Variants in GFRA1 observed in about 807,000 individuals in gnomAD.
The protein encoded by GFRA1 is GDNF family receptor alpha-1.
Under a neutral mutation model 51.6 loss-of-function variants are expected in GFRA1, and 16 were observed. That is an observed-to-expected ratio of 0.31 (90% CI 0.21 to 0.47). The LOEUF is 0.47. Ranked by LOEUF, GFRA1 falls within the 20% of genes least tolerant of loss-of-function variation. The pLI, the probability that GFRA1 is intolerant of heterozygous loss-of-function variation, is 1.00. For synonymous variants in GFRA1, 270 were observed against 241.3 expected, an observed-to-expected ratio of 1.12 and a Z score of -1.10; for missense variants, 530 against 594.3, an observed-to-expected ratio of 0.89 and a Z score of 1.13.
At chr10:116,126,604 G>A (rs1007270083) in intron 5 of GFRA1, among the ~76,000 whole-genome samples, 1 of 152,246 alleles carries the variant, frequency 6.6e-6, no homozygotes, top group African/African-American at 2.4e-5. Flanking sequence ...GGTCCATGGA[G>A]TAGTGATGAT....
At chr10:116,245,869 G>A (rs1231771423) in intron 4 of GFRA1, among the ~76,000 whole-genome samples, 2 of 152,116 alleles carry the variant, frequency 1.3e-5, no homozygotes, top group Non-Finnish European at 2.9e-5. Context: ...TCACATTCTG[G>A]AAAAAGAAAA....
At chr10:116,193,994 G>A (rs141549546) in intron 5 of GFRA1, among the ~76,000 whole-genome samples, 4,120 of 148,218 alleles carry the variant, frequency 0.028, 91 homozygotes, top group Middle Eastern at 0.05. Context: ...AGCCGAGATC[G>A]CACCACTGTA....
intron 8 of GFRA1, among the ~76,000 whole-genome samples, chr10:116,090,387 G>A (rs1421186395): frequency 2.7e-5 from 4 of 145,508 alleles, no homozygotes; most frequent in African/African-American, 1.0e-4. Flanking sequence ...AGGCAATTCC[G>A]TGGCATTCAC....
intron 5 of GFRA1, among the ~76,000 whole-genome samples, chr10:116,136,116 G>A (rs1431291539): frequency 6.6e-6 from 1 of 152,114 alleles, no homozygotes; most frequent in Non-Finnish European, 1.5e-5. Context: ...TCTCAGATTT[G>A]TGGTCCTTCT....
chr10:116,172,228 G>A (rs146051148), intron 5 of GFRA1, among the ~76,000 whole-genome samples: 7 of 152,180 alleles, frequency 4.6e-5, no homozygotes, highest in Admixed American at 2.0e-4. Flanking sequence ...CTGCTGTGCC[G>A]TTTGCTCACG....
At chr10:116,068,534 G>A (rs1439607362) in intron 9 of GFRA1, among the ~76,000 whole-genome samples, 1 of 152,210 alleles carries the variant, frequency 6.6e-6, no homozygotes, top group African/African-American at 2.4e-5. Context: ...GCATGCTGCA[G>A]AGAGAGGGTC....
At chr10:116,088,259 C>T (rs975896513) in intron 9 of GFRA1, among the ~76,000 whole-genome samples, 1 of 150,282 alleles carries the variant, frequency 6.7e-6, no homozygotes, top group South Asian at 2.1e-4. Context: ...TGAAAGAAGG[C>T]ATCTTGTGAG....
At chr10:116,198,855 T>C (rs953244898) in intron 5 of GFRA1, among the ~76,000 whole-genome samples, 6 of 152,176 alleles carry the variant, frequency 3.9e-5, no homozygotes, top group African/African-American at 7.2e-5. Flanking sequence ...TATTTGGAAA[T>C]AGGGTTTTTG....
At chr10:116,258,395 AAAT>A (rs1159210513) in intron 4 of GFRA1, among the ~76,000 whole-genome samples, 1 of 87,248 alleles carries the variant, frequency 1.1e-5, no homozygotes, top group Non-Finnish European at 2.2e-5. Flanking sequence ...TTAATTAATA[AAAT>A]AAAATATATT....
At chr10:116,086,862 G>C (rs1278545146) in intron 9 of GFRA1, among the ~76,000 whole-genome samples, 1 of 152,182 alleles carries the variant, frequency 6.6e-6, no homozygotes, top group Non-Finnish European at 1.5e-5. Context: ...CTGTCACCCA[G>C]GCCAGAGTGC....
At chr10:116,193,963 C>T (rs370677875) in intron 5 of GFRA1, among the ~76,000 whole-genome samples, 5 of 151,100 alleles carry the variant, frequency 3.3e-5, no homozygotes, top group South Asian at 2.1e-4. Flanking sequence ...GGTGTGAACC[C>T]GGGAGGCAGA....
At chr10:116,080,721 A>G (rs1272453482) in intron 9 of GFRA1, among the ~76,000 whole-genome samples, 1 of 152,156 alleles carries the variant, frequency 6.6e-6, no homozygotes, top group African/African-American at 2.4e-5. Context: ...GGGATGACTC[A>G]GGATTAGGTC....
intron 3 of GFRA1, 84 bp downstream of exon 3, chr10:116,270,738 G>A (rs1843838137): frequency 1.8e-6 from 2 of 1,113,088 alleles, no homozygotes; most frequent in Non-Finnish European, 2.7e-6. Context: ...GTGAGTGGAG[G>A]ATGAGATCAG....
At chr10:116,155,538 AT>A (rs1416337105) in intron 5 of GFRA1, among the ~76,000 whole-genome samples, 1 of 152,208 alleles carries the variant, frequency 6.6e-6, no homozygotes, top group Non-Finnish European at 1.5e-5. Flanking sequence ...TATTAATGGA[AT>A]TTTTTTAAAT....
intron 5 of GFRA1, among the ~76,000 whole-genome samples, chr10:116,162,671 C>G (rs1320992986): frequency 1.3e-4 from 20 of 152,182 alleles, no homozygotes; most frequent in Non-Finnish European, 2.8e-4. Flanking sequence ...ACAGGATAGA[C>G]TTTTTAAAAG....
In GFRA1 at chr10:116,104,087, C is replaced by A. The variant is rs1956918050; in HGVS notation, c.771-7323G>T. ...ATGCCCCAGGTGCAGATGCGCAAAG[C>A]TCTGTGCATCTTGCATTCATCAGCC... On this transcript the variant is annotated intron_variant, in intron 6 of 10. Transcript: ENST00000355422. Among the ~76,000 whole-genome samples the A allele has an allele frequency of 2.0e-5, 3 of 152,188 alleles. No homozygotes were observed. In the South Asian group the frequency reaches 6.2e-4, roughly 31 times the overall value.
intron 4 of GFRA1, among the ~76,000 whole-genome samples, chr10:116,259,728 C>G (rs1969160248): frequency 6.6e-6 from 1 of 152,190 alleles, no homozygotes; most frequent in South Asian, 2.1e-4. Flanking sequence ...AATTTCATCA[C>G]TAACAGTAGA....
chr10:116,182,661 T>C lies in GFRA1; in HGVS notation c.433+28970A>G, dbSNP rs138973732. ...TGTCAACAAACTGCCATCTGCTTCA[T>C]GTCAGATTTCTAGAAGCGCTAGAAA... On this transcript the variant is annotated intron_variant, in intron 5 of 10. Transcript: ENST00000355422. Among the ~76,000 whole-genome samples, 370 of 152,354 alleles carry C rather than the reference T, an allele frequency of 2.4e-3. 1 individual carries two copies. Among genetic ancestry groups the C allele is most frequent in the African/African-American group, 8.5e-3 (354 of 41,588 alleles).
Position 116,272,135 on chromosome 10 carries a change from C to A in GFRA1, c.-106G>T. 1 of 988,582 alleles carries A rather than the reference C, an allele frequency of 1.0e-6. No homozygotes were observed. Among genetic ancestry groups the A allele is most frequent in the Non-Finnish European group, 1.6e-6 (1 of 636,396 alleles). 61.2% of individuals were successfully genotyped at this position (988,582 alleles called of 1,614,324 possible). Reference sequence around the variant, plus strand: ...CAGCGATCCCCGGACAGCTGTGCTGCTCTGGCCGCCCAAAGTTCAGCTCCA... The same window carrying A: ...CAGCGATCCCCGGACAGCTGTGCTGATCTGGCCGCCCAAAGTTCAGCTCCA... On this transcript the variant is annotated 5_prime_UTR_variant, in exon 2 of 11. Transcript: ENST00000355422. The surrounding 1 kb of genome is among the most constrained non-coding windows in gnomAD (Gnocchi z 4.4).
Sources: allele counts gnomAD v4.1 joint callset (sites outside exome capture counted in the v4.1 genomes callset), GRCh38; gene constraint gnomAD v4.1.1; non-coding constraint Gnocchi (gnomAD v3.1); transcripts MANE v1.5; gene names NCBI Gene and HGNC (gene_info 2026-07-23, HGNC 2026-07-21).